The following SH3D19 variants were observed in gnomAD, a reference collection of about 807,000 sequenced individuals.
SH3D19 encodes the protein SH3 domain-containing protein 19.
In SH3D19, 58 loss-of-function variants were observed where a neutral mutation model predicts 112.1. That is an observed-to-expected ratio of 0.52 (90% CI 0.42 to 0.64). SH3D19 has a LOEUF of 0.64. Ranked by LOEUF, SH3D19 falls within the 30% of genes least tolerant of loss-of-function variation. SH3D19 has a pLI of 0.00. For missense variants in SH3D19, 1,090 were observed against 1,263.4 expected (o/e 0.86, Z 2.08); for synonymous variants, 391 against 448.5 (o/e 0.87, Z 1.62).
intron 1 of SH3D19, among the ~76,000 whole-genome samples, chr4:151,296,086 T>C (rs1370747790): frequency 2.0e-5 from 3 of 146,378 alleles, no homozygotes; most frequent in Non-Finnish European, 1.5e-5. Context: ...TTTTTAAGAG[T>C]AATAGGGAAA....
Position 151,324,724 on chromosome 4 carries a change from A to G in SH3D19, c.112+517T>C, listed in dbSNP as rs868773324. ...TTCTCTTTGCGTGGGGGAGGGTCTC[A>G]CAACTAACGAAAACAAGTCCTACAG... is the stretch of plus-strand genomic sequence containing the variant. On this transcript the variant is annotated intron_variant, in intron 1 of 19. Coordinates refer to ENST00000604030, the MANE Select transcript of SH3D19 (RefSeq NM_001378122.1). Among the ~76,000 whole-genome samples the G allele has an allele frequency of 1.5e-4, 22 of 147,798 alleles. No individual in the cohort carries two copies. The Middle Eastern group carries it at 0.01, about 69-fold the overall frequency.
intron 7 of SH3D19, among the ~76,000 whole-genome samples, chr4:151,167,858 G>A (rs369773886): frequency 6.6e-6 from 1 of 150,824 alleles, no homozygotes; most frequent in East Asian, 1.9e-4. Flanking sequence ...CCACCGTCTG[G>A]GAAGTGAGGA....
chr4:151,296,628 A>C (rs907328453), intron 1 of SH3D19, among the ~76,000 whole-genome samples: 3 of 152,234 alleles, frequency 2.0e-5, no homozygotes, highest in Non-Finnish European at 2.9e-5. Flanking sequence ...GGGGCTCAAT[A>C]CAGCATTTCT....
At chr4:151,249,395 TAAATA>T (rs1167210441) in intron 1 of SH3D19, among the ~76,000 whole-genome samples, 1 of 152,214 alleles carries the variant, frequency 6.6e-6, no homozygotes, top group Non-Finnish European at 1.5e-5. Context: ...ATGGAGATCA[TAAATA>T]AAATATTCTG....
chr4:151,291,306 T>C (rs1159568885), intron 1 of SH3D19: 1 of 1,613,914 alleles, frequency 6.2e-7, no homozygotes, highest in African/African-American at 1.3e-5. Flanking sequence ...TCTTGTTCCC[T>C]ATTGTCCTAC....
At chr4:151,255,854 G>A (rs973413276) in intron 1 of SH3D19, among the ~76,000 whole-genome samples, 4 of 152,256 alleles carry the variant, frequency 2.6e-5, no homozygotes, top group East Asian at 1.9e-4. Flanking sequence ...GCGAAACACC[G>A]TCTCCACCAA....
At chr4:151,216,877 CTGTGTGTGTGTGTG>C (rs34575245) in intron 2 of SH3D19, among the ~76,000 whole-genome samples, 124 of 140,872 alleles carry the variant, frequency 8.8e-4, no homozygotes, top group African/African-American at 2.4e-3. Flanking sequence ...CAAAACAACA[CTGTGTGTGTGTGTG>C]TGTGTGTGTG....
chr4:151,213,682 TAA>T (rs1491373993), intron 2 of SH3D19, among the ~76,000 whole-genome samples: 4,105 of 148,922 alleles, frequency 0.028, 195 homozygotes, highest in African/African-American at 0.096. Flanking sequence ...ATTAATTAAT[TAA>T]TTAATTTATT....
At chr4:151,283,733 A>G (rs752739289) in intron 1 of SH3D19, among the ~76,000 whole-genome samples, 3 of 152,194 alleles carry the variant, frequency 2.0e-5, no homozygotes, top group South Asian at 4.2e-4. Flanking sequence ...TATGTTGCCC[A>G]GGCTGATCCC....
chr4:151,125,482 A>AAAACC (rs1554029341), intron 19 of SH3D19, among the ~76,000 whole-genome samples: 1 of 71,568 alleles, frequency 1.4e-5, no homozygotes, highest in Non-Finnish European at 4.7e-5. Context: ...AAAACAAAAC[A>AAAACC]AAACAAAACC....
intron 2 of SH3D19, among the ~76,000 whole-genome samples, chr4:151,216,992 C>G (rs938063320): frequency 6.6e-6 from 1 of 150,770 alleles, no homozygotes; most frequent in Non-Finnish European, 1.5e-5. Flanking sequence ...AAAGAATTTC[C>G]CGCCCACAAA....
chr4:151,275,788 T>G (rs1773550815), intron 1 of SH3D19, among the ~76,000 whole-genome samples: 1 of 152,096 alleles, frequency 6.6e-6, no homozygotes, highest in African/African-American at 2.4e-5. Context: ...TTCAAAGTGC[T>G]GGGATAATAG....
intron 1 of SH3D19, among the ~76,000 whole-genome samples, chr4:151,324,781 A>AG (rs570900290): frequency 2.5e-5 from 1 of 40,044 alleles, no homozygotes; most frequent in Non-Finnish European, 5.1e-5. Flanking sequence ...TGGGGGAGGG[A>AG]GGGAGGGGGG....
chr4:151,155,190 AG>A (rs1755860123), intron 9 of SH3D19, among the ~76,000 whole-genome samples: 1 of 152,260 alleles, frequency 6.6e-6, no homozygotes. Flanking sequence ...ATTTCAGAGT[AG>A]AAGCCAACCT....
chr4:151,263,454 C>T (rs1049038248), intron 1 of SH3D19, among the ~76,000 whole-genome samples: 1 of 152,162 alleles, frequency 6.6e-6, no homozygotes, highest in Non-Finnish European at 1.5e-5. Flanking sequence ...GGAGCCCCGG[C>T]AGTATATTAG....
intron 1 of SH3D19, among the ~76,000 whole-genome samples, chr4:151,232,927 C>T (rs1320476694): frequency 4.6e-5 from 7 of 152,128 alleles, no homozygotes; most frequent in Admixed American, 1.3e-4. Flanking sequence ...TGCGGGGGTC[C>T]CCAACCCCTC....
intron 1 of SH3D19, chr4:151,282,413 G>C (rs1211213363): frequency 6.2e-7 from 1 of 1,613,616 alleles, no homozygotes; most frequent in Non-Finnish European, 8.5e-7. Flanking sequence ...GGAAAGTTCA[G>C]GTGAGAATGG....
intron 19 of SH3D19, among the ~76,000 whole-genome samples, chr4:151,125,346 C>T (rs1748971638): frequency 1.3e-5 from 2 of 152,024 alleles, no homozygotes; most frequent in South Asian, 2.1e-4. Flanking sequence ...ACCTGTAGTC[C>T]CAGCTACTCA....
At position 151,174,791 on chromosome 4, in the gene SH3D19, T is replaced by TG. The variant is rs779943737; in HGVS notation, c.1412dup (p.Val472SerfsTer18). 16 of 1,556,916 alleles carry TG rather than the reference T, an allele frequency of 1.0e-5. No individual in the cohort carries two copies. Among genetic ancestry groups the TG allele is most frequent in the Non-Finnish European group, 8.7e-7 (1 of 1,154,658 alleles). Reference sequence around the variant, plus strand: ...AGGGCTTGCTCTGCAGAACTGGAACTGGGGGGTTGGCTGGGGGCCCTTCTC... The same window carrying TG: ...AGGGCTTGCTCTGCAGAACTGGAACTGGGGGGGTTGGCTGGGGGCCCTTCTC... On this transcript the variant is annotated frameshift_variant, in exon 7 of 20. Coordinates refer to ENST00000604030, the MANE Select transcript of SH3D19 (RefSeq NM_001378122.1). LOFTEE classifies it high-confidence loss of function.
Sources: gnomAD v4.1 joint callset for allele counts (sites outside exome capture counted in the v4.1 genomes callset) on GRCh38, gnomAD v4.1.1 for gene constraint, MANE v1.5 for transcripts, NCBI Gene and HGNC (gene_info 2026-07-23, HGNC 2026-07-21) for gene names.